Variants in SLC14A2 observed in about 807,000 individuals in gnomAD.
The protein encoded by SLC14A2 is urea transporter 2.
SLC14A2 carries 91 observed loss-of-function variants against 104.6 expected under a neutral mutation model. The observed-to-expected ratio is 0.87, with a 90% confidence interval of 0.73 to 1.04. The LOEUF (loss-of-function observed/expected upper bound fraction) is 1.04, where lower values mean the gene tolerates loss of function less well. Among genes scored for constraint, SLC14A2 ranks in the 50% least tolerant of loss-of-function variants. The pLI is 0.00. For synonymous variants in SLC14A2, 476 were observed against 466.4 expected, an observed-to-expected ratio of 1.02 and a Z score of -0.27; for missense variants, 1,189 against 1,156.0, an observed-to-expected ratio of 1.03 and a Z score of -0.41.
intron 1 of SLC14A2, among the ~76,000 whole-genome samples, chr18:45,468,384 C>T (rs2144660137): frequency 6.6e-6 from 1 of 152,000 alleles, no homozygotes; most frequent in African/African-American, 2.4e-5. Flanking sequence ...TTTCAAAATG[C>T]ATTTAATCAT....
intron 1 of SLC14A2, among the ~76,000 whole-genome samples, chr18:45,235,796 CGTGTGTGT>C (rs1171773725): frequency 1.7e-5 from 2 of 114,288 alleles, no homozygotes; most frequent in African/African-American, 7.7e-5. Flanking sequence ...TGTGTATGCG[CGTGTGTGT>C]GTGTGTGTGT....
At chr18:45,411,252 G>T (rs1037865213) in intron 1 of SLC14A2, among the ~76,000 whole-genome samples, 9 of 152,180 alleles carry the variant, frequency 5.9e-5, no homozygotes, top group Admixed American at 5.9e-4. Context: ...GGAGCTTAAT[G>T]TGTAAATTTA....
At chr18:45,265,608 T>C (rs1283770087) in intron 1 of SLC14A2, among the ~76,000 whole-genome samples, 1 of 152,202 alleles carries the variant, frequency 6.6e-6, no homozygotes, top group Non-Finnish European at 1.5e-5. Context: ...TGCACATGAA[T>C]AACAGATTCT....
chr18:45,622,620 G>A (rs529949378), intron 1 of SLC14A2, among the ~76,000 whole-genome samples: 25 of 152,272 alleles, frequency 1.6e-4, no homozygotes, highest in African/African-American at 4.6e-4. Flanking sequence ...CCCGGAACAG[G>A]GGTCTGCAAA....
chr18:45,403,443 C>T (rs2144461492), intron 1 of SLC14A2, among the ~76,000 whole-genome samples: 1 of 152,274 alleles, frequency 6.6e-6, no homozygotes, highest in East Asian at 1.9e-4. Flanking sequence ...GCAATAATTG[C>T]TTAGAGACAA....
At chr18:45,585,241 C>T (rs900648665) in intron 2 of SLC14A2, among the ~76,000 whole-genome samples, 1 of 152,142 alleles carries the variant, frequency 6.6e-6, no homozygotes, top group Non-Finnish European at 1.5e-5. Context: ...GTGAGGTGTT[C>T]CCTGACTGCT....
chr18:45,459,685 C>T (rs1289892154), intron 1 of SLC14A2, among the ~76,000 whole-genome samples: 3 of 152,218 alleles, frequency 2.0e-5, no homozygotes, highest in African/African-American at 7.2e-5. Context: ...GGGACATCTC[C>T]AGCCCCCTCC....
chr18:45,571,596 C>G (rs142476614), intron 2 of SLC14A2, among the ~76,000 whole-genome samples: 132 of 152,338 alleles, frequency 8.7e-4, no homozygotes, highest in Non-Finnish European at 1.4e-3. Flanking sequence ...TAGTCCGTAG[C>G]TCCTGACTCC....
intron 1 of SLC14A2, among the ~76,000 whole-genome samples, chr18:45,247,783 G>A (rs2084381802): frequency 1.3e-5 from 2 of 151,200 alleles, no homozygotes; most frequent in South Asian, 2.1e-4. Flanking sequence ...AAATTCTCTG[G>A]TGCTGTGATA....
chr18:45,214,367 G>A (rs1156905602), intron 1 of SLC14A2, among the ~76,000 whole-genome samples: 3 of 152,098 alleles, frequency 2.0e-5, no homozygotes, highest in Admixed American at 6.6e-5. Flanking sequence ...TCAGAATCTC[G>A]GTCTCTGGGT....
At chr18:45,450,284 G>T (rs553980206) in intron 1 of SLC14A2, among the ~76,000 whole-genome samples, 1 of 152,276 alleles carries the variant, frequency 6.6e-6, no homozygotes, top group African/African-American at 2.4e-5. Flanking sequence ...ACATGGCCCT[G>T]TTAGGAAACA....
At chr18:45,264,336 C>T (rs2084570250) in intron 1 of SLC14A2, among the ~76,000 whole-genome samples, 2 of 152,154 alleles carry the variant, frequency 1.3e-5, no homozygotes, top group Admixed American at 1.3e-4. Flanking sequence ...CTCTCATTTT[C>T]TACAATATAT....
At chr18:45,548,880 T>C (rs1347352159) in intron 2 of SLC14A2, among the ~76,000 whole-genome samples, 1 of 152,188 alleles carries the variant, frequency 6.6e-6, no homozygotes, top group Non-Finnish European at 1.5e-5. Flanking sequence ...GTAATCTAGA[T>C]GCAGCCAAGT....
chr18:45,271,439 A>G (rs1349290003), intron 1 of SLC14A2, among the ~76,000 whole-genome samples: 4 of 152,188 alleles, frequency 2.6e-5, no homozygotes, highest in Non-Finnish European at 5.9e-5. Context: ...AATTCATGAC[A>G]TTATGCAAAA....
intron 1 of SLC14A2, among the ~76,000 whole-genome samples, chr18:45,256,680 T>A (rs1045687255): frequency 6.6e-6 from 1 of 152,274 alleles, no homozygotes; most frequent in Non-Finnish European, 1.5e-5. Context: ...AGACAGATTC[T>A]GGAAGGTTCA....
chr18:45,451,180 T>C (rs1034562773), intron 1 of SLC14A2, among the ~76,000 whole-genome samples: 7 of 152,062 alleles, frequency 4.6e-5, no homozygotes, highest in African/African-American at 1.4e-4. Context: ...AGTTGAATGG[T>C]CCAGTCAACT....
intron 12 of SLC14A2, among the ~76,000 whole-genome samples, chr18:45,666,675 A>G (rs1403705149): frequency 6.6e-6 from 1 of 152,010 alleles, no homozygotes; most frequent in East Asian, 1.9e-4. Context: ...TGAAAATGAG[A>G]ACCTCCACTT....
intron 1 of SLC14A2, among the ~76,000 whole-genome samples, chr18:45,319,492 G>A (rs1353839401): frequency 1.3e-5 from 2 of 152,220 alleles, no homozygotes; most frequent in East Asian, 3.9e-4. Flanking sequence ...GACTGTCTGT[G>A]TATTTGTGTG....
chr18:45,285,672 C>A (rs55979306), intron 1 of SLC14A2, among the ~76,000 whole-genome samples: 21 of 143,268 alleles, frequency 1.5e-4, no homozygotes, highest in East Asian at 2.0e-4. Flanking sequence ...CCCCCCCCCC[C>A]CCTCGGCCTC....
Sources: allele counts gnomAD v4.1 joint callset (sites outside exome capture counted in the v4.1 genomes callset), GRCh38; gene constraint gnomAD v4.1.1; transcripts MANE v1.5; gene names NCBI Gene and HGNC (gene_info 2026-07-23, HGNC 2026-07-21).